The following MYCBP2 variants were observed in gnomAD, a reference collection of about 807,000 sequenced individuals.
MYCBP2 encodes the protein E3 ubiquitin-protein ligase MYCBP2.
A neutral mutation model predicts 525.3 loss-of-function variants in MYCBP2; 120 were observed. That is an observed-to-expected ratio of 0.23 (90% confidence interval 0.20 to 0.27). MYCBP2 has a LOEUF of 0.27. Ranked by LOEUF, MYCBP2 falls within the 10% of genes least tolerant of loss-of-function variation. MYCBP2 has a pLI of 1.00. For missense variants in MYCBP2, 4,149 were observed against 5,657.1 expected (o/e 0.73, Z 8.55); for synonymous variants, 1,894 against 1,955.8 (o/e 0.97, Z 0.83).
At chr13:77,073,908 T>C (rs1490230303) in intron 68 of MYCBP2, among the ~76,000 whole-genome samples, 2 of 152,042 alleles carry the variant, frequency 1.3e-5, no homozygotes, top group Non-Finnish European at 1.5e-5. Flanking sequence ...ATACATATCA[T>C]GTTCACAGAT....
chr13:77,089,223 T>C (rs11149060), intron 60 of MYCBP2, among the ~76,000 whole-genome samples, 192 bp from the exon 61 acceptor site: 2,192 of 152,256 alleles, frequency 0.014, 20 homozygotes, highest in Middle Eastern at 0.024. Flanking sequence ...GAAAGTCATA[T>C]AGCTATTAAG....
chr13:77,288,240 G>T lies in MYCBP2; in HGVS notation c.515C>A (p.Ser172Tyr). Reference protein sequence around the residue: ...QKKEISLAAASKNSVQSGESD... With the variant: ...QKKEISLAAAYKNSVQSGESD... ...TTCTCCACTCTGCACAGAGTTCTTAGATGCGGCTGCCAATGATATTTCCTT... is the reference window on the plus strand; with the variant it reads ...TTCTCCACTCTGCACAGAGTTCTTATATGCGGCTGCCAATGATATTTCCTT... The change falls in exon 3 of 83, where the codon TCT (serine) becomes TAT (tyrosine). Residue 172 changes from serine (S) to tyrosine (Y), a missense_variant. Ser to Tyr is a moderately radical substitution (Grantham distance 144). Around this residue, in one of 21 missense-constraint regions of MYCBP2, gnomAD observed 413 missense variants for 451.2 expected, o/e 0.92. Coordinates refer to ENST00000544440, the MANE Select transcript of MYCBP2 (RefSeq NM_015057.5). The T allele has an allele frequency of 6.2e-7, 1 of 1,614,148 alleles. No homozygotes were observed. Among genetic ancestry groups the T allele is most frequent in the Non-Finnish European group, 8.5e-7 (1 of 1,180,022 alleles).
intron 36 of MYCBP2, 134 bp from the exon 37 acceptor site, chr13:77,174,623 T>C (rs2059438671): frequency 3.0e-6 from 2 of 677,120 alleles, no homozygotes; most frequent in Non-Finnish European, 4.8e-6. Context: ...AAATAAGTTT[T>C]TAATGAATCA....
At chr13:77,219,564 C>A (rs892576834) in intron 20 of MYCBP2, among the ~76,000 whole-genome samples, 1 of 151,776 alleles carries the variant, frequency 6.6e-6, no homozygotes, top group Admixed American at 6.6e-5. Context: ...AGAAATAGAT[C>A]TCTAAGGAAA....
chr13:77,100,980 C>T (rs903101383), intron 55 of MYCBP2, among the ~76,000 whole-genome samples: 4 of 152,130 alleles, frequency 2.6e-5, no homozygotes, highest in Non-Finnish European at 4.4e-5. Flanking sequence ...ATCTTACTGA[C>T]CTAGTAACAG....
intron 32 of MYCBP2, among the ~76,000 whole-genome samples, chr13:77,182,431 AAAGCATT>A (rs2060295875): frequency 6.6e-6 from 1 of 152,224 alleles, no homozygotes; most frequent in Non-Finnish European, 1.5e-5. Flanking sequence ...ATTTCATAAA[AAAGCATT>A]AAAGCCAACA....
chr13:77,139,993 A>G, intron 51 of MYCBP2, 54 bp downstream of exon 51: 1 of 1,231,888 alleles, frequency 8.1e-7, no homozygotes, highest in African/African-American at 1.5e-5. Context: ...TTATGCAAAC[A>G]ATGCAAAAAC....
At chr13:77,173,565 T>C (rs1052178939) in intron 37 of MYCBP2, among the ~76,000 whole-genome samples, 7 of 152,162 alleles carry the variant, frequency 4.6e-5, no homozygotes, top group Admixed American at 2.6e-4. Context: ...ACTATCTACG[T>C]AGGCACCATC....
chr13:77,149,229 C>T (rs73543856), intron 47 of MYCBP2, among the ~76,000 whole-genome samples: 5,176 of 152,114 alleles, frequency 0.034, 293 homozygotes, highest in African/African-American at 0.12. Context: ...CAATGTGAAT[C>T]GTTTTTCCTT....
intron 2 of MYCBP2, among the ~76,000 whole-genome samples, chr13:77,294,478 G>GA (rs939908451): frequency 6.6e-6 from 1 of 151,838 alleles, no homozygotes; most frequent in African/African-American, 2.4e-5. Context: ...AGAGCAAGAG[G>GA]AAAAAAACTG....
At chr13:77,164,368 T>G in intron 43 of MYCBP2, 86 bp downstream of exon 43, 2 of 809,532 alleles carry the variant, frequency 2.5e-6, no homozygotes, top group Non-Finnish European at 4.1e-6. Context: ...AAAATTCATT[T>G]TGCAAATCTA....
intron 55 of MYCBP2, among the ~76,000 whole-genome samples, chr13:77,117,563 A>T (rs958182482): frequency 1.3e-5 from 2 of 152,170 alleles, no homozygotes; most frequent in Non-Finnish European, 2.9e-5. Context: ...ACTTTACCAA[A>T]GCAAAGAGGT....
chr13:77,134,847 A>C (rs1013738789), intron 52 of MYCBP2, among the ~76,000 whole-genome samples: 1 of 152,224 alleles, frequency 6.6e-6, no homozygotes, highest in Non-Finnish European at 1.5e-5. Context: ...GTTTAAATAG[A>C]AAGACTGATA....
intron 32 of MYCBP2, among the ~76,000 whole-genome samples, chr13:77,183,127 T>C (rs2060367698): frequency 6.6e-6 from 1 of 152,230 alleles, no homozygotes; most frequent in African/African-American, 2.4e-5. Context: ...ATATATTGTT[T>C]ACATGTTCAA....
chr13:77,234,099 A>T lies in MYCBP2; in HGVS notation c.2630-836T>A, dbSNP rs1034605437. The stretch of plus-strand genomic sequence containing the variant: ...AAAATATACAGCCAAATTTATTTTA[A>T]TAAAATAAAATAAATCATTTTTCCC... On this transcript the variant is annotated intron_variant, in intron 17 of 82. Coordinates refer to ENST00000544440, the MANE Select transcript of MYCBP2 (RefSeq NM_015057.5). Among the ~76,000 whole-genome samples, 7 of 152,118 alleles carry T rather than the reference A, an allele frequency of 4.6e-5. No individual in the cohort carries two copies. The East Asian group carries it at 1.3e-3, about 29-fold the overall frequency.
At chr13:77,306,312 A>AG (rs775468509) in intron 1 of MYCBP2, among the ~76,000 whole-genome samples, 1 of 152,228 alleles carries the variant, frequency 6.6e-6, no homozygotes, top group Non-Finnish European at 1.5e-5. Context: ...TGAATAAATT[A>AG]GGGAGGAATA....
chr13:77,103,387 CA>C (rs984897875), intron 55 of MYCBP2: 3 of 395,612 alleles, frequency 7.6e-6, no homozygotes, highest in Non-Finnish European at 1.3e-5. Flanking sequence ...CAAGCAAAAA[CA>C]AAGCATTTCA....
In MYCBP2 at chr13:77,278,740, A is replaced by G. The variant is rs1195868021; in HGVS notation, c.748+18T>C. On this transcript the variant is annotated intron_variant, in intron 4 of 82. Transcript: ENST00000544440. Reference sequence around the variant, plus strand: ...TATTCACTTTTAAATGCTTCACTGAATGAGCCTTGGCTCTTACCTAGGACC... The same window carrying G: ...TATTCACTTTTAAATGCTTCACTGAGTGAGCCTTGGCTCTTACCTAGGACC... 4.0e-6 allele frequency: 6 copies of G among 1,486,458 alleles called. No individual in the cohort carries two copies. The African/African-American group carries it at 7.2e-5, about 18-fold the overall frequency. The allele number at this position is 1,486,458 out of a possible 1,614,324, so 92.1% of individuals were successfully genotyped here.
At chr13:77,236,872 AAAATAAATAAAT>A (rs879878885) in intron 17 of MYCBP2, among the ~76,000 whole-genome samples, 3 of 152,094 alleles carry the variant, frequency 2.0e-5, no homozygotes, top group Non-Finnish European at 2.9e-5. Context: ...GCCTCTACAA[AAAATAAATAAAT>A]AAATAAATAA....
Sources: allele counts gnomAD v4.1 joint callset (sites outside exome capture counted in the v4.1 genomes callset), GRCh38; gene constraint gnomAD v4.1.1; regional missense constraint gnomAD v4.1.1; transcripts MANE v1.5; gene names NCBI Gene and HGNC (gene_info 2026-07-23, HGNC 2026-07-21).